PRR5L: variants seen among roughly 807,000 people sequenced by gnomAD.
PRR5L encodes the protein proline rich 5 like.
Under a neutral mutation model 36.4 loss-of-function variants are expected in PRR5L, and 21 were observed. The observed-to-expected ratio is 0.58, with a 90% CI of 0.41 to 0.83. PRR5L has a LOEUF of 0.83. PRR5L is among the 40% of genes least tolerant of loss of function. PRR5L has a pLI of 0.00. For synonymous variants in PRR5L, 188 were observed against 197.0 expected, an observed-to-expected ratio of 0.95 and a Z score of 0.38; for missense variants, 381 against 473.3, an observed-to-expected ratio of 0.80 and a Z score of 1.81.
chr11:36,351,353 A>AAT (rs1166617669), intron 1 of PRR5L, among the ~76,000 whole-genome samples: 2 of 84,492 alleles, frequency 2.4e-5, no homozygotes, highest in African/African-American at 1.0e-4. Flanking sequence ...ATATATAATA[A>AAT]ATATATATAA....
At chr11:36,324,948 G>A (rs1176531072) in intron 1 of PRR5L, among the ~76,000 whole-genome samples, 1 of 152,006 alleles carries the variant, frequency 6.6e-6, no homozygotes, top group Non-Finnish European at 1.5e-5. Context: ...TTTTATATTA[G>A]TATTTTTCAA....
intron 1 of PRR5L, among the ~76,000 whole-genome samples, chr11:36,385,242 C>T (rs17615587): frequency 0.02 from 3,029 of 152,234 alleles, 58 homozygotes; most frequent in Non-Finnish European, 0.027. Context: ...ATCTGGTAGG[C>T]GCTGCAGAAT....
intron 1 of PRR5L, among the ~76,000 whole-genome samples, chr11:36,343,504 C>T (rs1483420152): frequency 3.3e-5 from 5 of 152,134 alleles, no homozygotes; most frequent in South Asian, 2.1e-4. Flanking sequence ...TTGGCCTGAA[C>T]AGCTAAAAAG....
At chr11:36,357,239 G>T (rs1298292429) in intron 1 of PRR5L, among the ~76,000 whole-genome samples, 1 of 152,172 alleles carries the variant, frequency 6.6e-6, no homozygotes, top group Non-Finnish European at 1.5e-5. Flanking sequence ...CAGAAGAAAA[G>T]TTGGAAGCTA....
chr11:36,309,581 T>A (rs1359314037), intron 1 of PRR5L, among the ~76,000 whole-genome samples: 3 of 14,046 alleles, frequency 2.1e-4, no homozygotes, highest in Admixed American at 7.7e-4. Flanking sequence ...AGTTTAAACA[T>A]TCCTTATTTG....
intron 3 of PRR5L, among the ~76,000 whole-genome samples, chr11:36,416,224 A>G (rs1380616671): frequency 6.6e-6 from 1 of 152,202 alleles, no homozygotes; most frequent in Non-Finnish European, 1.5e-5. Flanking sequence ...TAACCATGTT[A>G]TCATGCCCAG....
At chr11:36,328,686 A>G (rs1167879390) in intron 1 of PRR5L, among the ~76,000 whole-genome samples, 1 of 152,200 alleles carries the variant, frequency 6.6e-6, no homozygotes, top group Non-Finnish European at 1.5e-5. Context: ...CCCGATGCCA[A>G]CTTCTCATCT....
In PRR5L at chr11:36,393,534, G is replaced by C. The variant is rs117293553; in HGVS notation, c.-125-7463G>C. Among the ~76,000 whole-genome samples the C allele has an allele frequency of 7.6e-3, 1,160 of 152,230 alleles. 28 individuals carry two copies. The highest frequency in any genetic ancestry group is 0.041 in the Admixed American group (634 of 15,290). ...GTTCTCTATTCTGCTCCACTAATCT[G>C]TGTGTCTGTTTTTTATGCCAGTACT... On this transcript the variant is annotated intron_variant, in intron 1 of 8. Coordinates refer to ENST00000530639, the MANE Select transcript of PRR5L (RefSeq NM_001160167.2).
chr11:36,301,595 T>TA (rs1368413447), intron 1 of PRR5L, among the ~76,000 whole-genome samples: 1 of 151,652 alleles, frequency 6.6e-6, no homozygotes, highest in Non-Finnish European at 1.5e-5. Flanking sequence ...CTGGAGGAAG[T>TA]GGGGCATGGG....
intron 1 of PRR5L, among the ~76,000 whole-genome samples, chr11:36,319,200 G>A (rs1331807889): frequency 1.3e-5 from 2 of 152,192 alleles, no homozygotes; most frequent in Admixed American, 1.3e-4. Flanking sequence ...ACAGTGAAAG[G>A]CTGATTAGGA....
chr11:36,440,062 C>A (rs952039997), intron 6 of PRR5L, among the ~76,000 whole-genome samples: 5 of 152,162 alleles, frequency 3.3e-5, no homozygotes, highest in African/African-American at 1.2e-4. Flanking sequence ...CCCCAAATGA[C>A]CCTCTAAGAA....
Position 36,462,672 on chromosome 11 carries a change from G to C in PRR5L, c.1043G>C (p.Gly348Ala). The change falls in exon 9 of 9, where the codon GGA becomes GCA. Residue 348 changes from glycine (G) to alanine (A), a missense_variant. Transcript: ENST00000530639. ...SEPNITDNPD[G>A]LEEGARGSQE... The stretch of plus-strand genomic sequence containing the variant: ...CCCAACATCACTGACAACCCTGACG[G>C]ACTGGAGGAGGGGGCCAGGGGCAGC... 6.2e-7 allele frequency: 1 copy of C among 1,608,500 alleles called. No homozygotes were observed. Among genetic ancestry groups the C allele is most frequent in the South Asian group, 1.1e-5 (1 of 90,406 alleles).
intron 1 of PRR5L, among the ~76,000 whole-genome samples, chr11:36,346,382 G>A (rs974409678): frequency 2.0e-5 from 3 of 152,236 alleles, no homozygotes; most frequent in African/African-American, 7.2e-5. Context: ...AGGAGATCGA[G>A]ACCATCCTGG....
At chr11:36,331,175 A>G (rs1856715253) in intron 1 of PRR5L, among the ~76,000 whole-genome samples, 1 of 152,202 alleles carries the variant, frequency 6.6e-6, no homozygotes, top group East Asian at 1.9e-4. Flanking sequence ...TACCCATACT[A>G]ATATAACATA....
chr11:36,303,719 GC>G (rs1176814901), intron 1 of PRR5L, among the ~76,000 whole-genome samples: 2 of 152,164 alleles, frequency 1.3e-5, no homozygotes, highest in Non-Finnish European at 2.9e-5. Context: ...TTCACAAGAA[GC>G]CCTTGATCCT....
rs755110589 is a variant in PRR5L at position 36,462,307 on chromosome 11, C to T, written c.713-35C>T. The T allele has an allele frequency of 2.7e-6, 4 of 1,485,110 alleles. No individual in the cohort carries two copies. The Admixed American group carries it at 1.0e-4, about 37-fold the overall frequency. The allele number at this position is 1,485,110 out of a possible 1,614,324, so 92.0% of individuals were successfully genotyped here. A position where few individuals can be genotyped will look rare whatever the true frequency, so the allele number is the denominator to read the frequency against. On this transcript the variant is annotated intron_variant, in intron 8 of 8. Coordinates refer to ENST00000530639, the MANE Select transcript of PRR5L (RefSeq NM_001160167.2). ...AGCTTTTAAGCACCAATACCCCCTC[C>T]CCAATAACAGTCTTTGCTGATTTTT...
intron 1 of PRR5L, among the ~76,000 whole-genome samples, chr11:36,319,608 C>T (rs768580743): frequency 9.2e-5 from 14 of 151,700 alleles, no homozygotes; most frequent in Non-Finnish European, 2.1e-4. Flanking sequence ...CTTACAAAGG[C>T]AGGCAGTTGT....
chr11:36,433,128 T>TATAC (rs1293739545), intron 5 of PRR5L, among the ~76,000 whole-genome samples: 2 of 152,066 alleles, frequency 1.3e-5, no homozygotes, highest in East Asian at 3.9e-4. Context: ...CAATATAAAA[T>TATAC]ATACCCTCTT....
At chr11:36,323,916 A>T (rs1856636347) in intron 1 of PRR5L, among the ~76,000 whole-genome samples, 1 of 152,194 alleles carries the variant, frequency 6.6e-6, no homozygotes, top group African/African-American at 2.4e-5. Context: ...TTAAAAGACT[A>T]ATAATACCGT....
Sources: gnomAD v4.1 joint callset for allele counts (sites outside exome capture counted in the v4.1 genomes callset) on GRCh38, gnomAD v4.1.1 for gene constraint, MANE v1.5 for transcripts, NCBI Gene and HGNC (gene_info 2026-07-23, HGNC 2026-07-21) for gene names.